DHRS12: variants seen among roughly 807,000 people sequenced by gnomAD.
The protein encoded by DHRS12 is dehydrogenase/reductase SDR family member 12.
Under a neutral mutation model 32.1 loss-of-function variants are expected in DHRS12, and 29 were observed. That is an observed-to-expected ratio of 0.90 (90% CI 0.67 to 1.23). The LOEUF is 1.23. Among genes scored for constraint, DHRS12 ranks in the 50% most tolerant of loss-of-function variants. The pLI, the probability that DHRS12 is intolerant of heterozygous loss-of-function variation, is 0.00. For synonymous variants in DHRS12, 150 were observed against 135.9 expected (o/e 1.10, Z -0.72); for missense variants, 330 against 337.2 (o/e 0.98, Z 0.17).
rs1020266524 is a variant in DHRS12, at chr13:51,768,309, G to C, written c.698-13C>G. 1.3e-6 allele frequency: 2 copies of C among 1,535,576 alleles called. No homozygotes were observed. The highest frequency in any genetic ancestry group is 1.7e-6 in the Non-Finnish European group (2 of 1,146,896). On this transcript the variant is annotated splice_polypyrimidine_tract_variant and intron_variant, in intron 8 of 8. Transcript: ENST00000444610. The stretch of plus-strand genomic sequence containing the variant: ...ACTGGCTTCCGATCTAAAAGTGAGA[G>C]GGAACCGCAGAGAGGTGTGAGCTGC...
chr13:51,760,006 A>G, the DHRS12 span: 14 of 471,990 alleles, frequency 3.0e-5, no homozygotes, highest in African/African-American at 2.5e-4. Flanking sequence ...CAAATGGTTT[A>G]TACAGTCTGG....
chr13:51,786,369 C>T (rs1012318109), intron 4 of DHRS12, among the ~76,000 whole-genome samples: 3 of 152,170 alleles, frequency 2.0e-5, no homozygotes, highest in Admixed American at 6.5e-5. Context: ...TCAGCCTCCC[C>T]GCCCTCCCTC....
the DHRS12 span, chr13:51,759,667 A>G: frequency 6.8e-7 from 1 of 1,475,572 alleles, no homozygotes; most frequent in Middle Eastern, 1.9e-4. Flanking sequence ...ATTTCCTTGA[A>G]GAATTCAGTT....
At chr13:51,797,788 G>A (rs541996870) in intron 2 of DHRS12, 3 of 1,528,756 alleles carry the variant, frequency 2.0e-6, no homozygotes, top group African/African-American at 2.7e-5. Flanking sequence ...GACCATGGAG[G>A]CAAGGAAACC....
chr13:51,792,193 T>C (rs1211761854), intron 2 of DHRS12, among the ~76,000 whole-genome samples: 2 of 152,232 alleles, frequency 1.3e-5, no homozygotes, highest in Non-Finnish European at 2.9e-5. Flanking sequence ...CCATAGAGGC[T>C]GCACCATTTT....
At chr13:51,771,525 T>C (rs1235193258) in intron 7 of DHRS12, 1 of 1,612,936 alleles carries the variant, frequency 6.2e-7, no homozygotes, top group South Asian at 1.1e-5. Flanking sequence ...GGTCACCGGC[T>C]CCCTCTCTCA....
intron 4 of DHRS12, among the ~76,000 whole-genome samples, chr13:51,777,966 G>C (rs1453490803): frequency 1.3e-5 from 2 of 152,254 alleles, no homozygotes; most frequent in Admixed American, 6.5e-5. Context: ...GGGGCTTAAA[G>C]TGGCGAGCCC....
In DHRS12 at chr13:51,770,837, A is replaced by ATGAT. The variant is rs1415731117; in HGVS notation, c.559+980_559+983dup. ...GTGCACACAGGGTTTTTCCATAGGC[A>ATGAT]TGATTGGCAGCAGAGTCTTCAGCCC... is the stretch of plus-strand genomic sequence containing the variant. On this transcript the variant is annotated intron_variant, in intron 7 of 8. Coordinates refer to ENST00000444610, the MANE Select transcript of DHRS12 (RefSeq NM_001377533.1). 3 of 1,067,396 alleles carry ATGAT rather than the reference A, an allele frequency of 2.8e-6. No individual in the cohort carries two copies. In the African/African-American group the frequency reaches 5.0e-5, roughly 18 times the overall value. The allele number at this position is 1,067,396 out of a possible 1,614,324, so 66.1% of individuals were successfully genotyped here.
chr13:51,755,228 T>C, the DHRS12 span: 1 of 828,624 alleles, frequency 1.2e-6, no homozygotes, highest in East Asian at 2.6e-5. Context: ...TTTTGAATGA[T>C]TGACTGAGAA....
chr13:51,777,682 T>C (rs1416222909), intron 4 of DHRS12, among the ~76,000 whole-genome samples: 1 of 152,184 alleles, frequency 6.6e-6, no homozygotes, highest in Non-Finnish European at 1.5e-5. Context: ...ACATTCCTAA[T>C]ATATATGGAA....
intron 8 of DHRS12, chr13:51,768,670 C>T (rs780407015): frequency 5.3e-6 from 6 of 1,128,232 alleles, no homozygotes; most frequent in Middle Eastern, 3.8e-4. Flanking sequence ...GGCTTCCACC[C>T]GAGGTCAAGT....
the DHRS12 span, chr13:51,758,171 A>G: frequency 1.6e-5 from 24 of 1,532,684 alleles, 1 homozygote; most frequent in Admixed American, 4.1e-4. Context: ...TCCCCTCAGA[A>G]GCTTTCTTTG....
At chr13:51,784,233 C>A (rs1400830349) in intron 4 of DHRS12, among the ~76,000 whole-genome samples, 2 of 152,172 alleles carry the variant, frequency 1.3e-5, no homozygotes, top group African/African-American at 2.4e-5. Flanking sequence ...CACCCATCAG[C>A]AGGTGGCTTC....
chr13:51,770,648 T>C, intron 7 of DHRS12: 1 of 533,178 alleles, frequency 1.9e-6, no homozygotes, highest in Non-Finnish European at 2.4e-6. Flanking sequence ...GAGACTCAGA[T>C]CTGTACAGGT....
chr13:51,788,678 TCAA>T (rs1389710413), intron 4 of DHRS12, among the ~76,000 whole-genome samples: 1 of 151,704 alleles, frequency 6.6e-6, no homozygotes, highest in Non-Finnish European at 1.5e-5. Flanking sequence ...GACCCCCACC[TCAA>T]CAACAACAAA....
chr13:51,768,661 G>T (rs1953865197), intron 8 of DHRS12: 2 of 1,133,114 alleles, frequency 1.8e-6, no homozygotes, highest in South Asian at 5.6e-5. Flanking sequence ...AAAGAGCCTG[G>T]CTTCCACCCG....
At chr13:51,802,114 G>C (rs898106730) in intron 1 of DHRS12, among the ~76,000 whole-genome samples, 1 of 151,666 alleles carries the variant, frequency 6.6e-6, no homozygotes, top group Admixed American at 6.6e-5. Flanking sequence ...CCCTTATTGG[G>C]GAAGCATTTT....
chr13:51,767,795 G>T (rs1469502655), downstream of DHRS12: 17 of 98,680 alleles, frequency 1.7e-4, no homozygotes, highest in African/African-American at 5.7e-4. Context: ...GGGGGGGGGG[G>T]GGTGCACAGC....
intron 4 of DHRS12, among the ~76,000 whole-genome samples, chr13:51,786,905 T>C (rs1212900881): frequency 6.6e-6 from 1 of 152,138 alleles, no homozygotes; most frequent in African/African-American, 2.4e-5. Flanking sequence ...CAGGAAAACA[T>C]GTTTCATATT....
Sources: gnomAD v4.1 joint callset for allele counts (sites outside exome capture counted in the v4.1 genomes callset) on GRCh38, gnomAD v4.1.1 for gene constraint, MANE v1.5 for transcripts, NCBI Gene and HGNC (gene_info 2026-07-23, HGNC 2026-07-21) for gene names.